TMEM132C: variants seen among roughly 807,000 people sequenced by gnomAD.
The protein encoded by TMEM132C is protein phosphatase 1, regulatory subunit 152.
TMEM132C carries 29 observed loss-of-function variants against 61.4 expected under a neutral mutation model. That is an observed-to-expected ratio of 0.47 (90% CI 0.35 to 0.64). The LOEUF (loss-of-function observed/expected upper bound fraction) is 0.64, where lower values mean the gene tolerates loss of function less well. TMEM132C is among the 30% of genes least tolerant of loss of function. The probability of loss-of-function intolerance (pLI) is 0.00; values close to 1 mark genes in which losing one functional copy is unlikely to be tolerated. For missense variants in TMEM132C, 1,408 were observed against 1,476.9 expected (o/e 0.95, Z 0.76); for synonymous variants, 656 against 633.1 (o/e 1.04, Z -0.54).
chr12:128,305,156 A>T lies in TMEM132C; in HGVS notation c.85+37669A>T, dbSNP rs565442394. On this transcript the variant is annotated intron_variant, in intron 1 of 8. Coordinates refer to ENST00000435159, the MANE Select transcript of TMEM132C (RefSeq NM_001136103.3). ...TGCTTTGGGAGGCAGAAGTGGGAGG[A>T]TCACTTGAGGCCAGGAGTTCGGCCT... Among the ~76,000 whole-genome samples the T allele has an allele frequency of 2.0e-5, 3 of 152,130 alleles. No individual in the cohort carries two copies. The East Asian group carries it at 5.8e-4, about 29-fold the overall frequency.
intron 3 of TMEM132C, among the ~76,000 whole-genome samples, chr12:128,560,727 C>T (rs1347234107): frequency 1.3e-5 from 2 of 152,150 alleles, no homozygotes; most frequent in African/African-American, 2.4e-5. Flanking sequence ...CAGTTCCTGG[C>T]ACAGGGAAGG....
intron 1 of TMEM132C, among the ~76,000 whole-genome samples, chr12:128,412,488 T>G (rs1224582049): frequency 6.6e-6 from 1 of 152,162 alleles, no homozygotes; most frequent in East Asian, 1.9e-4. Flanking sequence ...AATCCACATG[T>G]TTCAAGGGCA....
At chr12:128,467,591 C>T (rs1354479115) in intron 2 of TMEM132C, among the ~76,000 whole-genome samples, 2 of 152,156 alleles carry the variant, frequency 1.3e-5, no homozygotes, top group African/African-American at 4.8e-5. Flanking sequence ...AAGTTGGCCT[C>T]TCCATCTCGC....
chr12:128,284,996 T>C (rs775764178), intron 1 of TMEM132C, among the ~76,000 whole-genome samples: 2 of 151,994 alleles, frequency 1.3e-5, no homozygotes, highest in Non-Finnish European at 2.9e-5. Flanking sequence ...CACAAAAAAT[T>C]AGCTGGGCGT....
intron 1 of TMEM132C, among the ~76,000 whole-genome samples, chr12:128,272,134 G>A (rs571001668): frequency 1.1e-4 from 16 of 152,242 alleles, no homozygotes; most frequent in South Asian, 2.1e-4. Context: ...CTAGGATTGC[G>A]GTATAGAACG....
chr12:128,666,474 A>T (rs1954475766), intron 4 of TMEM132C, among the ~76,000 whole-genome samples: 1 of 152,200 alleles, frequency 6.6e-6, no homozygotes, highest in South Asian at 2.1e-4. Context: ...TTCTTATAGC[A>T]GCCTGAATGA....
chr12:128,686,052 CAT>C (rs1593148181), intron 5 of TMEM132C, among the ~76,000 whole-genome samples: 1 of 138,818 alleles, frequency 7.2e-6, no homozygotes, highest in South Asian at 2.5e-4. Flanking sequence ...CGCGTGTGTG[CAT>C]GTGTGTGTGT....
chr12:128,638,005 G>GA (rs751111794), intron 4 of TMEM132C, among the ~76,000 whole-genome samples: 1 of 152,218 alleles, frequency 6.6e-6, no homozygotes, highest in Non-Finnish European at 1.5e-5. Context: ...TGGGAAACAT[G>GA]AGAGTGCTTT....
intron 3 of TMEM132C, among the ~76,000 whole-genome samples, chr12:128,555,222 T>C (rs535541516): frequency 1.3e-5 from 2 of 152,362 alleles, no homozygotes; most frequent in South Asian, 4.1e-4. Context: ...CTTTAAGCAG[T>C]CTCAGTTGCA....
chr12:128,302,289 TCACAGTGCTGGCTGA>T (rs1426845740), intron 1 of TMEM132C, among the ~76,000 whole-genome samples: 1 of 152,224 alleles, frequency 6.6e-6, no homozygotes, highest in Non-Finnish European at 1.5e-5. Flanking sequence ...ACCACTGTCA[TCACAGTGCTGGCTGA>T]TCTTATTATT....
At chr12:128,578,790 G>T (rs1387457927) in intron 3 of TMEM132C, among the ~76,000 whole-genome samples, 1 of 152,078 alleles carries the variant, frequency 6.6e-6, no homozygotes. Context: ...TAGAGATGGG[G>T]TTTCGCCATG....
chr12:128,579,224 A>T (rs1429930515), intron 3 of TMEM132C, among the ~76,000 whole-genome samples: 1 of 152,230 alleles, frequency 6.6e-6, no homozygotes, highest in Non-Finnish European at 1.5e-5. Flanking sequence ...GAGACACATG[A>T]AGAAGGCCCT....
intron 8 of TMEM132C, 116 bp from the exon 9 acceptor site, chr12:128,704,974 T>A (rs1298848847): frequency 8.8e-7 from 1 of 1,131,350 alleles, no homozygotes; most frequent in Non-Finnish European, 1.2e-6. Context: ...ATGCATGAGC[T>A]ACTGGGTCTG....
chr12:128,676,358 G>A (rs192944920), intron 5 of TMEM132C, among the ~76,000 whole-genome samples: 2 of 152,070 alleles, frequency 1.3e-5, no homozygotes, highest in Admixed American at 6.5e-5. Context: ...TACAAGTGAC[G>A]ATATACATAC....
At chr12:128,603,125 C>A (rs1442342494) in intron 3 of TMEM132C, among the ~76,000 whole-genome samples, 1 of 152,110 alleles carries the variant, frequency 6.6e-6, no homozygotes, top group South Asian at 2.1e-4. Flanking sequence ...CTTCATGACA[C>A]ATTGGCTTCA....
chr12:128,655,631 T>C (rs113056679), intron 4 of TMEM132C, among the ~76,000 whole-genome samples: 36 of 152,148 alleles, frequency 2.4e-4, no homozygotes, highest in African/African-American at 8.7e-4. Context: ...TGTCAGTCTC[T>C]GCTTTCTCCT....
intron 2 of TMEM132C, among the ~76,000 whole-genome samples, chr12:128,467,214 T>C (rs1353427883): frequency 6.6e-6 from 1 of 152,208 alleles, no homozygotes; most frequent in Non-Finnish European, 1.5e-5. Context: ...TCCGGGTATG[T>C]TGGGGTGGTT....
At position 128,488,904 on chromosome 12, in the gene TMEM132C, C is replaced by T. The variant is rs78013045; in HGVS notation, c.975-55053C>T. ...AAAGCTTTTATAAATAAAATTTTCT[C>T]TTTTCAGTTCATACCTCAGTGCTGT... On this transcript the variant is annotated intron_variant, in intron 2 of 8. Transcript: ENST00000435159. 4.1e-3 allele frequency among the ~76,000 whole-genome samples: 625 copies of T among 152,196 alleles called. 15 individuals carry two copies. Among genetic ancestry groups the T allele is most frequent in the Admixed American group, 0.032 (494 of 15,270 alleles).
At position 128,385,466 on chromosome 12, in the gene TMEM132C, G is replaced by A. The variant is rs190230689; in HGVS notation, c.86-29266G>A. On this transcript the variant is annotated intron_variant, in intron 1 of 8. Coordinates refer to ENST00000435159, the MANE Select transcript of TMEM132C (RefSeq NM_001136103.3). ...TTCGAGACATAAACGTCAAGTCCTCGCACAGAGCCTGATACATGGCACATG... is the reference window on the plus strand; with the variant it reads ...TTCGAGACATAAACGTCAAGTCCTCACACAGAGCCTGATACATGGCACATG... Among the ~76,000 whole-genome samples, 4 of 152,188 alleles carry A rather than the reference G, an allele frequency of 2.6e-5. No individual in the cohort carries two copies. The East Asian group carries it at 5.8e-4, about 22-fold the overall frequency.
Sources: gnomAD v4.1 joint callset for allele counts (sites outside exome capture counted in the v4.1 genomes callset) on GRCh38, gnomAD v4.1.1 for gene constraint, MANE v1.5 for transcripts, NCBI Gene and HGNC (gene_info 2026-07-23, HGNC 2026-07-21) for gene names.